The following GADL1 variants were observed in gnomAD, a reference collection of about 807,000 sequenced individuals.
GADL1 encodes GAD like acidic amino acid decarboxylase 1.
A neutral mutation model predicts 69.5 loss-of-function variants in GADL1; 71 were observed. That is an observed-to-expected ratio of 1.02 (90% confidence interval 0.84 to 1.25). The LOEUF (loss-of-function observed/expected upper bound fraction) is 1.25, where lower values mean the gene tolerates loss of function less well. Among genes scored for constraint, GADL1 ranks in the 50% most tolerant of loss-of-function variants. The pLI, the probability that GADL1 is intolerant of heterozygous loss-of-function variation, is 0.00. For missense variants in GADL1, 737 were observed against 631.8 expected, an observed-to-expected ratio of 1.17 and a Z score of -1.79; for synonymous variants, 254 against 214.4, an observed-to-expected ratio of 1.18 and a Z score of -1.62.
At chr3:30,754,555 AGT>A (rs1022171607) in intron 14 of GADL1, among the ~76,000 whole-genome samples, 9 of 152,100 alleles carry the variant, frequency 5.9e-5, no homozygotes, top group East Asian at 5.8e-4. Flanking sequence ...GATGACAAAG[AGT>A]GTATTACCTC....
chr3:30,826,155 G>A (rs1697677826), intron 11 of GADL1, among the ~76,000 whole-genome samples: 1 of 151,572 alleles, frequency 6.6e-6, no homozygotes, highest in Non-Finnish European at 1.5e-5. Flanking sequence ...TGTAATCTTT[G>A]TGTTGTGGGA....
intron 11 of GADL1, among the ~76,000 whole-genome samples, chr3:30,814,581 A>G (rs1430743723): frequency 6.6e-6 from 1 of 152,174 alleles, no homozygotes; most frequent in African/African-American, 2.4e-5. Flanking sequence ...AGAACAGGTG[A>G]CAGGCCAGGT....
intron 12 of GADL1, among the ~76,000 whole-genome samples, chr3:30,793,770 A>G (rs375362290): frequency 2.8e-5 from 4 of 142,222 alleles, no homozygotes; most frequent in African/African-American, 1.1e-4. Flanking sequence ...CCTCTCTGCA[A>G]ATAGCCTCTC....
At chr3:30,777,300 CAG>C (rs1436929979) in intron 14 of GADL1, among the ~76,000 whole-genome samples, 1 of 151,840 alleles carries the variant, frequency 6.6e-6, no homozygotes, top group Non-Finnish European at 1.5e-5. Flanking sequence ...GTTTGCAAGT[CAG>C]AGCTTTTACT....
chr3:30,766,059 G>C (rs1696267997), intron 14 of GADL1, among the ~76,000 whole-genome samples: 1 of 152,158 alleles, frequency 6.6e-6, no homozygotes, highest in South Asian at 2.1e-4. Flanking sequence ...ATTGGAGTCA[G>C]ACATAAAAAT....
intron 1 of GADL1, among the ~76,000 whole-genome samples, chr3:30,886,154 T>C (rs1698706402): frequency 6.6e-6 from 1 of 152,100 alleles, no homozygotes; most frequent in African/African-American, 2.4e-5. Flanking sequence ...CAACATCAAT[T>C]TTTACCAATC....
At chr3:30,811,448 G>A (rs1697354012) in intron 11 of GADL1, among the ~76,000 whole-genome samples, 1 of 152,104 alleles carries the variant, frequency 6.6e-6, no homozygotes, top group African/African-American at 2.4e-5. Flanking sequence ...TTCTCTCTTA[G>A]GACAGATGGA....
intron 14 of GADL1, among the ~76,000 whole-genome samples, chr3:30,752,067 G>GT (rs780550300): frequency 1.3e-5 from 2 of 152,126 alleles, no homozygotes; most frequent in Non-Finnish European, 2.9e-5. Flanking sequence ...CCCATGTGCT[G>GT]AAACCTATTT....
intron 11 of GADL1, among the ~76,000 whole-genome samples, chr3:30,816,430 A>G (rs150891411): frequency 1.3e-5 from 2 of 150,004 alleles, no homozygotes; most frequent in Non-Finnish European, 3.0e-5. Context: ...TCCAAGCCTC[A>G]TCTCCCAGCA....
intron 14 of GADL1, among the ~76,000 whole-genome samples, chr3:30,737,526 T>A (rs1050278577): frequency 6.6e-6 from 1 of 152,178 alleles, no homozygotes; most frequent in Non-Finnish European, 1.5e-5. Context: ...CTGCCATTTT[T>A]AAACCTATCT....
intron 14 of GADL1, among the ~76,000 whole-genome samples, chr3:30,760,776 T>C (rs1454379610): frequency 6.6e-6 from 1 of 152,140 alleles, no homozygotes; most frequent in East Asian, 1.9e-4. Flanking sequence ...TTCTCTAATC[T>C]TGGGACTTCT....
chr3:30,755,824 C>CTTT (rs3042992), intron 14 of GADL1, among the ~76,000 whole-genome samples: 22,910 of 151,614 alleles, frequency 0.15, 2,306 homozygotes, highest in African/African-American at 0.28. Context: ...GCCAAAGGTA[C>CTTT]TTTTTTTCCT....
At chr3:30,802,474 G>A (rs1297897761) in intron 11 of GADL1, among the ~76,000 whole-genome samples, 1 of 152,160 alleles carries the variant, frequency 6.6e-6, no homozygotes, top group Non-Finnish European at 1.5e-5. Flanking sequence ...TACTAGTGCT[G>A]TACAGGAAGC....
At chr3:30,800,796 GAC>G in intron 12 of GADL1, 91 bp downstream of exon 12, 4 of 1,020,142 alleles carry the variant, frequency 3.9e-6, no homozygotes, top group Non-Finnish European at 4.3e-6. Context: ...TCCTATTACA[GAC>G]ACAGATAGAC....
intron 14 of GADL1, among the ~76,000 whole-genome samples, chr3:30,759,728 A>G (rs1189837792): frequency 1.3e-5 from 2 of 152,166 alleles, no homozygotes. Context: ...ACTTCCTTAG[A>G]AGTAACATTT....
At chr3:30,798,471 A>C (rs891736801) in intron 12 of GADL1, 3 of 152,182 alleles carry the variant, frequency 2.0e-5, no homozygotes, top group African/African-American at 7.2e-5. Flanking sequence ...CCATGACAGC[A>C]GTATGGGGGA....
At chr3:30,733,586 CTCCTTCCTTCCTTCCTTCCT>C (rs60344210) in intron 14 of GADL1, among the ~76,000 whole-genome samples, 9 of 133,504 alleles carry the variant, frequency 6.7e-5, no homozygotes, top group African/African-American at 2.2e-4. Flanking sequence ...TTTTCCTTTT[CTCCTTCCTTCCTTCCTTCCT>C]TCCTTCCTTC....
chr3:30,809,047 G>T (rs1033399957), intron 11 of GADL1, among the ~76,000 whole-genome samples: 8 of 152,118 alleles, frequency 5.3e-5, no homozygotes, highest in African/African-American at 1.9e-4. Context: ...TTATAATTGG[G>T]AATTTGCCTT....
intron 14 of GADL1, among the ~76,000 whole-genome samples, chr3:30,764,741 C>G (rs1210989339): frequency 6.6e-6 from 1 of 152,206 alleles, no homozygotes; most frequent in African/African-American, 2.4e-5. Flanking sequence ...TAAACTGCCA[C>G]AGTATTCTAG....
Sources: allele counts gnomAD v4.1 joint callset (sites outside exome capture counted in the v4.1 genomes callset), GRCh38; gene constraint gnomAD v4.1.1; transcripts MANE v1.5; gene names NCBI Gene and HGNC (gene_info 2026-07-23, HGNC 2026-07-21).